The following RBFOX3 variants were observed in gnomAD, a reference collection of about 807,000 sequenced individuals.
RBFOX3 encodes RNA binding fox-1 homolog 3.
A neutral mutation model predicts 48.7 loss-of-function variants in RBFOX3; 17 were observed. That is an observed-to-expected ratio of 0.35 (90% CI 0.24 to 0.52). The LOEUF is 0.52. Among genes scored for constraint, RBFOX3 ranks in the 20% least tolerant of loss-of-function variants. The pLI, the probability that RBFOX3 is intolerant of heterozygous loss-of-function variation, is 0.94. For missense variants in RBFOX3, 382 were observed against 497.5 expected (o/e 0.77, Z 2.21); for synonymous variants, 212 against 209.5 (o/e 1.01, Z -0.10).
intron 3 of RBFOX3, among the ~76,000 whole-genome samples, chr17:79,250,290 G>T (rs762991669): frequency 6.6e-6 from 1 of 152,212 alleles, no homozygotes; most frequent in African/African-American, 2.4e-5. Flanking sequence ...TTTGCAGATT[G>T]TGCCTGTATC....
intron 4 of RBFOX3, among the ~76,000 whole-genome samples, chr17:79,156,930 C>G (rs954430058): frequency 1.3e-5 from 2 of 152,180 alleles, no homozygotes. Context: ...GTGTTTGCCC[C>G]GCTGTGGTGG....
chr17:79,286,694 T>A (rs999338225), intron 3 of RBFOX3, among the ~76,000 whole-genome samples: 1 of 152,064 alleles, frequency 6.6e-6, no homozygotes, highest in African/African-American at 2.4e-5. Context: ...TTTCTGGTTC[T>A]TCTCCCTTGG....
intron 4 of RBFOX3, among the ~76,000 whole-genome samples, chr17:79,180,384 C>T (rs757968176): frequency 2.4e-4 from 37 of 152,358 alleles, no homozygotes; most frequent in East Asian, 3.9e-4. Context: ...CCTCAAACTA[C>T]GTCTCCTGTC....
At chr17:79,403,808 G>A (rs549892931) in intron 2 of RBFOX3, among the ~76,000 whole-genome samples, 18 of 128,168 alleles carry the variant, frequency 1.4e-4, no homozygotes, top group African/African-American at 4.4e-4. Context: ...TTTTGAGATG[G>A]AGTCTTGCTC....
chr17:79,585,291 C>A (rs2093211958), intron 1 of RBFOX3, among the ~76,000 whole-genome samples: 1 of 152,130 alleles, frequency 6.6e-6, no homozygotes, highest in Non-Finnish European at 1.5e-5. Flanking sequence ...GATGATGGCT[C>A]ACGCCTGTAA....
intron 2 of RBFOX3, among the ~76,000 whole-genome samples, chr17:79,377,184 A>T (rs1254167489): frequency 2.0e-5 from 3 of 152,110 alleles, no homozygotes; most frequent in African/African-American, 7.3e-5. Context: ...ATTTGTCTAG[A>T]CACACAGAGC....
Position 79,465,917 on chromosome 17 carries a change from C to A in RBFOX3, c.-175+16537G>T, listed in dbSNP as rs1181416745. On this transcript the variant is annotated intron_variant, in intron 2 of 14. Transcript: ENST00000693108. ...AAGCCACTCCTCCGGCTCCATCTGTCCTCGATGTCTGCACCCATTCCCCTC... is the reference window on the plus strand; with the variant it reads ...AAGCCACTCCTCCGGCTCCATCTGTACTCGATGTCTGCACCCATTCCCCTC... Among the ~76,000 whole-genome samples the A allele has an allele frequency of 2.6e-5, 4 of 152,216 alleles. No homozygotes were observed. The East Asian group carries it at 7.7e-4, about 29-fold the overall frequency.
intron 4 of RBFOX3, among the ~76,000 whole-genome samples, chr17:79,143,380 T>TGG (rs201977497): frequency 1.8e-3 from 41 of 23,290 alleles, no homozygotes; most frequent in African/African-American, 5.7e-3. Flanking sequence ...GAGCGGGGGG[T>TGG]GGGGGGGGGT....
Position 79,129,706 on chromosome 17 carries a change from T to A in RBFOX3, c.-33-13958A>T, listed in dbSNP as rs911016876. 1.2e-4 allele frequency among the ~76,000 whole-genome samples: 18 copies of A among 152,220 alleles called. 1 individual carries two copies. Among genetic ancestry groups the A allele is most frequent in the African/African-American group, 4.1e-4 (17 of 41,460 alleles). ...TGTGCTGGTAACATTAACAACTGGC[T>A]CCGTGGGGAAAAGACTGCTTGTGGC... On this transcript the variant is annotated intron_variant, in intron 4 of 14. Coordinates refer to ENST00000693108, the MANE Select transcript of RBFOX3 (RefSeq NM_001350451.2).
intron 4 of RBFOX3, among the ~76,000 whole-genome samples, chr17:79,152,783 G>A (rs1055361315): frequency 3.9e-5 from 6 of 152,360 alleles, no homozygotes; most frequent in Admixed American, 6.5e-5. Context: ...AGACAGGGCC[G>A]AGAGGCAGAG....
intron 4 of RBFOX3, among the ~76,000 whole-genome samples, chr17:79,225,205 C>T (rs907278819): frequency 2.0e-5 from 3 of 151,940 alleles, no homozygotes; most frequent in East Asian, 1.9e-4. Flanking sequence ...TTGGAAAGTT[C>T]GGCTGTCTCC....
intron 2 of RBFOX3, among the ~76,000 whole-genome samples, chr17:79,345,558 C>T (rs1186402963): frequency 6.6e-6 from 1 of 152,150 alleles, no homozygotes; most frequent in East Asian, 1.9e-4. Flanking sequence ...ATTTGCATTT[C>T]CCAGCTGATT....
chr17:79,656,895 G>GGAGGGAAGGAA, the RBFOX3 span, among the ~76,000 whole-genome samples: 8 of 116,308 alleles, frequency 6.9e-5, no homozygotes, highest in African/African-American at 1.9e-4. Flanking sequence ...GAAGGAAGGA[G>GGAGGGAAGGAA]GGAAGGAAGG....
In RBFOX3 at chr17:79,147,838, G is replaced by A. The variant is rs373316741; in HGVS notation, c.-33-32090C>T. Among the ~76,000 whole-genome samples the A allele has an allele frequency of 2.6e-5, 4 of 152,364 alleles. No individual in the cohort carries two copies. In the East Asian group the frequency reaches 5.8e-4, roughly 22 times the overall value. On this transcript the variant is annotated intron_variant, in intron 4 of 14. Coordinates refer to ENST00000693108, the MANE Select transcript of RBFOX3 (RefSeq NM_001350451.2). ...AGCTTTGCCAAGCGCCTTCGATCCA[G>A]CCTCTCTCTCATGCTAATGACTGTC...
intron 4 of RBFOX3, among the ~76,000 whole-genome samples, chr17:79,177,350 G>A (rs1329982732): frequency 2.6e-5 from 4 of 152,248 alleles, no homozygotes; most frequent in Non-Finnish European, 4.4e-5. Context: ...GACGGCAGCC[G>A]TTTGTGCTTC....
intron 3 of RBFOX3, among the ~76,000 whole-genome samples, chr17:79,264,027 C>G (rs2148513847): frequency 6.6e-6 from 1 of 151,676 alleles, no homozygotes; most frequent in Non-Finnish European, 1.5e-5. Flanking sequence ...CCTGGAGCCC[C>G]TAGAAGCTGG....
Position 79,586,588 on chromosome 17 carries a change from A to C in RBFOX3, c.-320+24238T>G, listed in dbSNP as rs1047946494. Among the ~76,000 whole-genome samples, 120 of 152,314 alleles carry C rather than the reference A, an allele frequency of 7.9e-4. 3 individuals are homozygous for C. The South Asian group carries it at 0.018, about 23-fold the overall frequency. ...TCCCGCTTCCCAGGATTAGCTAGAAACCAACAGAGCCATGTGGCTAAATCC... is the reference window on the plus strand; with the variant it reads ...TCCCGCTTCCCAGGATTAGCTAGAACCCAACAGAGCCATGTGGCTAAATCC... On this transcript the variant is annotated intron_variant, in intron 1 of 14. Coordinates refer to ENST00000693108, the MANE Select transcript of RBFOX3 (RefSeq NM_001350451.2).
At chr17:79,511,917 C>G (rs1204000251) in intron 1 of RBFOX3, among the ~76,000 whole-genome samples, 1 of 125,148 alleles carries the variant, frequency 8.0e-6, no homozygotes, top group Admixed American at 8.0e-5. Context: ...CAGGGGACAC[C>G]CACCCGGATA....
intron 4 of RBFOX3, among the ~76,000 whole-genome samples, chr17:79,196,072 C>A (rs1439460880): frequency 6.6e-6 from 1 of 152,182 alleles, no homozygotes; most frequent in African/African-American, 2.4e-5. Context: ...GAATATTATT[C>A]TTCCCATCTC....
Sources: gnomAD v4.1 joint callset for allele counts (sites outside exome capture counted in the v4.1 genomes callset) on GRCh38, gnomAD v4.1.1 for gene constraint, MANE v1.5 for transcripts, NCBI Gene and HGNC (gene_info 2026-07-23, HGNC 2026-07-21) for gene names.